The following POLL variants were observed in gnomAD, a reference collection of about 807,000 sequenced individuals.
POLL encodes DNA polymerase lambda, also known as DNA polymerase beta-2.
In POLL, 44 loss-of-function variants were observed where a neutral mutation model predicts 58.1. The ratio of observed to expected loss-of-function variants is 0.76; its 90% CI spans 0.60 to 0.97. The LOEUF (loss-of-function observed/expected upper bound fraction) is 0.97. Ranked by LOEUF, POLL falls within the 50% of genes least tolerant of loss-of-function variation. POLL has a pLI of 0.00. For synonymous variants in POLL, 290 were observed against 283.2 expected (o/e 1.02, Z -0.24); for missense variants, 632 against 736.8 (o/e 0.86, Z 1.65).
In POLL at chr10:101,585,519, C is replaced by A. The variant is rs1412428400; in HGVS notation, c.411-41G>T. 1.2e-5 allele frequency: 18 copies of A among 1,451,632 alleles called. 1 individual carries two copies. The Middle Eastern group carries it at 3.2e-3, about 255-fold the overall frequency. 89.9% of individuals were successfully genotyped at this position (1,451,632 alleles called of 1,614,324 possible). A position where few individuals can be genotyped will look rare whatever the true frequency, so the allele number is the denominator to read the frequency against. On this transcript the variant is annotated intron_variant, in intron 3 of 8. Transcript: ENST00000370162. ...TGGGAGGTTAAGACACCAAAGGTCT[C>A]ACCCTGTATCTGTCCCCAGTCCTTC...
intron 6 of POLL, 121 bp from the exon 7 acceptor site, chr10:101,583,012 A>C: frequency 8.6e-7 from 1 of 1,166,518 alleles, no homozygotes; most frequent in Non-Finnish European, 1.3e-6. Flanking sequence ...GGCAGGACCA[A>C]CCTAGGGGCA....
In POLL at chr10:101,579,561, G is replaced by A. The variant is rs1237522235; in HGVS notation, c.1620C>T (p.Thr540=). 1 of 1,614,004 alleles carries A rather than the reference G, an allele frequency of 6.2e-7. No homozygotes were observed. The highest frequency in any genetic ancestry group is 1.7e-5 in the Admixed American group (1 of 60,030). The change falls in exon 9 of 9, where the codon ACC becomes ACT. Residue 540 remains threonine, a synonymous_variant. Coordinates refer to ENST00000370162, the MANE Select transcript of POLL (RefSeq NM_001174084.2). This position sits in a 1 kb window ranked among gnomAD's most constrained non-coding sequence, Gnocchi z 4.4. ...GGCCAGGCCCCACCTTGCAGCCATG[G>A]GTGTTCCGGACCACAGCAGTGCTGA... ...HALSTAVVRN[T]HGCKVGPGRV... is the part of the protein sequence containing the mutation.
Position 101,587,270 on chromosome 10 carries a change from T to C in POLL, c.91A>G (p.Arg31Gly). The C allele has an allele frequency of 6.2e-7, 1 of 1,614,022 alleles. No homozygotes were observed. Among genetic ancestry groups the C allele is most frequent in the Non-Finnish European group, 8.5e-7 (1 of 1,179,944 alleles). Residue 31 changes from arginine to glycine, a missense_variant, in exon 2 of 9, where the codon AGG becomes GGG. Transcript: ENST00000370162. ...CCTTCTGCTTCTTCTCCCTCTTCCC[T>C]CCTAGGAATCTTTGCAAGTACTTTT... is the stretch of plus-strand genomic sequence containing the variant. ...SSKVLAKIPR[R>G]EEGEEAEEWL...
rs1226908826 is a variant in POLL at position 101,585,836 on chromosome 10, TGAAAAAAAGA to T, written c.410+16_410+25del. ...GCTCAAGATGCTACTAGAAAACATT[TGAAAAAAAGA>T]CTGGGATCAGCCCACCTACTGGGGA... is the stretch of plus-strand genomic sequence containing the variant. On this transcript the variant is annotated intron_variant, in intron 3 of 8. Coordinates refer to ENST00000370162, the MANE Select transcript of POLL (RefSeq NM_001174084.2). The T allele has an allele frequency of 6.7e-7, 1 of 1,503,606 alleles. No individual in the cohort carries two copies. The allele number at this position is 1,503,606 out of a possible 1,614,324, so 93.1% of individuals were successfully genotyped here. A position where few individuals can be genotyped will look rare whatever the true frequency, so the allele number is the denominator to read the frequency against.
chr10:101,580,419 G>A lies in POLL; in HGVS notation c.1195-3C>T. 2 of 1,613,122 alleles carry A rather than the reference G, an allele frequency of 1.2e-6. No individual in the cohort carries two copies. Among genetic ancestry groups the A allele is most frequent in the Non-Finnish European group, 1.7e-6 (2 of 1,179,652 alleles). On this transcript the variant is annotated splice_region_variant and splice_polypyrimidine_tract_variant and intron_variant, in intron 7 of 8. Transcript: ENST00000370162. This position sits in a 1 kb window ranked among gnomAD's most constrained non-coding sequence, Gnocchi z 4.1. ...AAGGCCTGGGCTGCTTTCTGGACCT[G>A]GGAAAGAGAGCGGTGACAGGTGAGG...
chr10:101,585,304 G>A lies in POLL; in HGVS notation c.573+12C>T, dbSNP rs2063253102. 2 of 1,521,430 alleles carry A rather than the reference G, an allele frequency of 1.3e-6. No homozygotes were observed. Among genetic ancestry groups the A allele is most frequent in the East Asian group, 4.7e-5 (2 of 42,910 alleles). 94.2% of individuals were successfully genotyped at this position (1,521,430 alleles called of 1,614,324 possible). ...AGGGGAAGGGAGTTCTGAGGGATGG[G>A]AGGCTCCTGACCTGGGCTTGGGTGT... On this transcript the variant is annotated intron_variant, in intron 4 of 8. Transcript: ENST00000370162.
At position 101,584,811 on chromosome 10, in the gene POLL, C is replaced by G; in HGVS notation, c.682G>C (p.Glu228Gln). 6.3e-7 allele frequency: 1 copy of G among 1,588,880 alleles called. No individual in the cohort carries two copies. Among genetic ancestry groups the G allele is most frequent in the Non-Finnish European group, 8.6e-7 (1 of 1,165,874 alleles). Residue 228 changes from glutamate to glutamine, a missense_variant, in exon 5 of 9, where the codon GAG (glutamate) becomes CAG (glutamine). Coordinates refer to ENST00000370162, the MANE Select transcript of POLL (RefSeq NM_001174084.2). ...HYPTSLEGDC[E>Q]PSPAPAVLDK... ...AGGACAGCAGGGGCTGGGCTAGGCT[C>G]ACAATCTCCCTCAAGGGAGGTGGGG...
Position 101,579,855 on chromosome 10 carries a change from C to G in POLL, c.1364-38G>C, listed in dbSNP as rs781084485. 6.3e-7 allele frequency: 1 copy of G among 1,589,128 alleles called. No homozygotes were observed. The highest frequency in any genetic ancestry group is 8.6e-7 in the Non-Finnish European group (1 of 1,167,460). ...AGGGGACTGCTGGGAGGGCAGGGAA[C>G]CAGGCCTGGGCTGTCCCATCCTCCC... On this transcript the variant is annotated intron_variant, in intron 8 of 8. Transcript: ENST00000370162. The surrounding 1 kb of genome is among the most constrained non-coding windows in gnomAD (Gnocchi z 4.4).
intron 1 of POLL, 31 bp from the exon 2 acceptor site, chr10:101,587,437 C>T (rs1486064981): frequency 6.2e-7 from 1 of 1,603,320 alleles, no homozygotes; most frequent in East Asian, 2.2e-5. Context: ...TTGAGGCCCT[C>T]CAACCCCTTT....
rs2063397164 is a variant in POLL at position 101,587,027 on chromosome 10, T to C, written c.115+219A>G. On this transcript the variant is annotated intron_variant, in intron 2 of 8. Coordinates refer to ENST00000370162, the MANE Select transcript of POLL (RefSeq NM_001174084.2). ...TGAGGGCCCAGGGAGTCTTTTCTGA[T>C]GGATAGAGGTCTTCGGGTAGAAAAG... 6 of 887,598 alleles carry C rather than the reference T, an allele frequency of 6.8e-6. No homozygotes were observed. The South Asian group carries it at 7.3e-5, about 11-fold the overall frequency. The allele number at this position is 887,598 out of a possible 1,614,324, so 55.0% of individuals were successfully genotyped here.
At position 101,583,268 on chromosome 10, in the gene POLL, AC is replaced by A. The variant is rs3730466; in HGVS notation, c.1065+239del. On this transcript the variant is annotated intron_variant, in intron 6 of 8. Transcript: ENST00000370162. Reference sequence around the variant, plus strand: ...GGAAGGCCCTTGCTGGTCTGGGGAGACTGAGAAACATACTTCTTGTCCCTGT... The same window carrying A: ...GGAAGGCCCTTGCTGGTCTGGGGAGATGAGAAACATACTTCTTGTCCCTGT... The A allele has an allele frequency of 1.1e-3, 672 of 596,388 alleles. 5 individuals are homozygous for A. In the African/African-American group the frequency reaches 0.011, roughly 10 times the overall value. The allele number at this position is 596,388 out of a possible 1,614,324, so 36.9% of individuals were successfully genotyped here.
Position 101,585,843 on chromosome 10 carries a change from A to G in POLL, c.410+19T>C, listed in dbSNP as rs1208881001. 1 of 1,510,232 alleles carries G rather than the reference A, an allele frequency of 6.6e-7. No individual in the cohort carries two copies. Among genetic ancestry groups the G allele is most frequent in the East Asian group, 2.3e-5 (1 of 43,794 alleles). 93.6% of individuals were successfully genotyped at this position (1,510,232 alleles called of 1,614,324 possible). On this transcript the variant is annotated intron_variant, in intron 3 of 8. Transcript: ENST00000370162. The stretch of plus-strand genomic sequence containing the variant: ...ATGCTACTAGAAAACATTTGAAAAA[A>G]AGACTGGGATCAGCCCACCTACTGG...
In POLL at chr10:101,586,007, T is replaced by G. The variant is rs774291652; in HGVS notation, c.265A>C (p.Met89Leu). Residue 89 changes from methionine (M) to leucine (L), a missense_variant, in exon 3 of 9, where the codon ATG becomes CTG. Met to Leu is a conservative substitution (Grantham distance 15). Coordinates refer to ENST00000370162, the MANE Select transcript of POLL (RefSeq NM_001174084.2). ...GVTHIVVDEG[M>L]DYERALRLLR... ...AGGCGGAGGGCTCGCTCATAGTCCATGCCTTCATCCACCACAATGTGAGTG... is the reference window on the plus strand; with the variant it reads ...AGGCGGAGGGCTCGCTCATAGTCCAGGCCTTCATCCACCACAATGTGAGTG... The G allele has an allele frequency of 1.2e-6, 2 of 1,614,090 alleles. No individual in the cohort carries two copies. Among genetic ancestry groups the G allele is most frequent in the Non-Finnish European group, 8.5e-7 (1 of 1,180,020 alleles).
chr10:101,587,458 G>T (rs759952428), intron 1 of POLL, 52 bp from the exon 2 acceptor site: 5 of 1,563,546 alleles, frequency 3.2e-6, no homozygotes, highest in Non-Finnish European at 4.3e-6. Context: ...GCCTATGGAG[G>T]TAGGGTCTTT....
chr10:101,581,551 T>C (rs1175282526), intron 7 of POLL: 3 of 152,280 alleles, frequency 2.0e-5, no homozygotes, highest in Non-Finnish European at 4.4e-5. Flanking sequence ...GATCCCACTC[T>C]ATCAGAATCC....
At position 101,582,836 on chromosome 10, in the gene POLL, G is replaced by A; in HGVS notation, c.1121C>T (p.Ala374Val). ...RSQASLTTQQAIGLKHYSDFL... is the reference protein window; with the variant it reads ...RSQASLTTQQVIGLKHYSDFL... The stretch of plus-strand genomic sequence containing the variant: ...GTCACTGTAATGCTTCAGGCCGATG[G>A]CCTGCTGGGTTGTCAGGGAGGCCTG... Residue 374 changes from alanine to valine, a missense_variant, in exon 7 of 9, where the codon GCC (alanine) becomes GTC (valine). Ala to Val is a moderately conservative substitution (Grantham distance 64). Coordinates refer to ENST00000370162, the MANE Select transcript of POLL (RefSeq NM_001174084.2). 6.2e-7 allele frequency: 1 copy of A among 1,614,218 alleles called. No individual in the cohort carries two copies. Among genetic ancestry groups the A allele is most frequent in the Non-Finnish European group, 8.5e-7 (1 of 1,180,026 alleles).
Position 101,588,146 on chromosome 10 carries a change from T to A in POLL, c.-371A>T, listed in dbSNP as rs774054699. ...CCAACCCCCAGAGTCGGTCCCCGGG[T>A]GGGGTCGACTACTGGCCAAGCTAGT... On this transcript the variant is annotated 5_prime_UTR_variant, in exon 1 of 9. Coordinates refer to ENST00000370162, the MANE Select transcript of POLL (RefSeq NM_001174084.2). The A allele has an allele frequency of 1.4e-4, 205 of 1,516,056 alleles. No homozygotes were observed. The highest frequency in any genetic ancestry group is 1.7e-4 in the Non-Finnish European group (194 of 1,133,766). 93.9% of individuals were successfully genotyped at this position (1,516,056 alleles called of 1,614,324 possible).
At chr10:101,586,857 C>G (rs2063382592) in intron 2 of POLL, among the ~76,000 whole-genome samples, 1 of 152,182 alleles carries the variant, frequency 6.6e-6, no homozygotes, top group African/African-American at 2.4e-5. Context: ...CTTGCCCTTA[C>G]AGTCTGACAG....
intron 1 of POLL, 81 bp from the exon 2 acceptor site, chr10:101,587,487 G>T: frequency 1.3e-6 from 2 of 1,506,576 alleles, no homozygotes; most frequent in Non-Finnish European, 1.8e-6. Flanking sequence ...GGCTTTGGGG[G>T]TAGCAGCCCA....
Sources: allele counts gnomAD v4.1 joint callset (sites outside exome capture counted in the v4.1 genomes callset), GRCh38; gene constraint gnomAD v4.1.1; non-coding constraint Gnocchi (gnomAD v3.1); transcripts MANE v1.5; gene names NCBI Gene and HGNC (gene_info 2026-07-23, HGNC 2026-07-21).